Variants in FSD2 observed in about 807,000 individuals in gnomAD.
The protein encoded by FSD2 is fibronectin type III and SPRY domain containing 2.
FSD2 carries 71 observed loss-of-function variants against 80.4 expected under a neutral mutation model. That is an observed-to-expected ratio of 0.88 (90% CI 0.73 to 1.08). The LOEUF (loss-of-function observed/expected upper bound fraction) is 1.08. FSD2 is among the 50% of genes least tolerant of loss of function. The pLI is 0.00. For missense variants in FSD2, 923 were observed against 913.8 expected, an observed-to-expected ratio of 1.01 and a Z score of -0.13; for synonymous variants, 361 against 329.5, an observed-to-expected ratio of 1.10 and a Z score of -1.03.
chr15:82,780,337 CT>C (rs774635552), intron 4 of FSD2, 70 bp from the exon 5 acceptor site: 88,278 of 834,174 alleles, frequency 0.11, 28 homozygotes, highest in South Asian at 0.12. Context: ...TTCTTTCTTT[CT>C]TTTTTTTTTT....
At position 82,772,248 on chromosome 15, in the gene FSD2, AAG is replaced by A. The variant is rs1567304744; in HGVS notation, c.1112-22_1112-21del. 1.3e-6 allele frequency: 2 copies of A among 1,594,356 alleles called. No homozygotes were observed. Among genetic ancestry groups the A allele is most frequent in the Admixed American group, 3.5e-5 (2 of 56,478 alleles). The stretch of plus-strand genomic sequence containing the variant: ...AAGGAGCTAGGAAAAGAAAAGAAAA[AAG>A]AAGAGGAACCTCTAATAGAGGTGTG... On this transcript the variant is annotated intron_variant, in intron 6 of 12. Coordinates refer to ENST00000334574, the MANE Select transcript of FSD2 (RefSeq NM_001007122.4).
intron 1 of FSD2, among the ~76,000 whole-genome samples, chr15:82,803,176 G>A (rs2050453430): frequency 6.6e-6 from 1 of 152,102 alleles, no homozygotes; most frequent in South Asian, 2.1e-4. Flanking sequence ...CACAGAGTCT[G>A]TGCCAAAATC....
intron 4 of FSD2, among the ~76,000 whole-genome samples, chr15:82,782,317 G>A (rs563813734): frequency 6.7e-6 from 1 of 148,394 alleles, no homozygotes; most frequent in Non-Finnish European, 1.5e-5. Context: ...GGAGAATGGC[G>A]TGAACCCAGG....
rs201148705 is a variant in FSD2, at chr15:82,762,244, G to A, written c.1855C>T (p.Arg619Ter). ...TCCACCTCCCAGTAATGGTGCCCTCGGACTGGAATTAGATTTCCCATGACA... is the reference window on the plus strand; with the variant it reads ...TCCACCTCCCAGTAATGGTGCCCTCAGACTGGAATTAGATTTCCCATGACA... The part of the protein sequence containing the change: ...VAVMGNLIPV[R>*]GHHYWEVEVD... The change falls in exon 12 of 13, where the codon CGA (arginine) becomes TGA (stop). Residue 619 changes from arginine to a stop codon, truncating the protein, a stop_gained. Coordinates refer to ENST00000334574, the MANE Select transcript of FSD2 (RefSeq NM_001007122.4). LOFTEE classifies it high-confidence loss of function. 381 of 1,613,846 alleles carry A rather than the reference G, an allele frequency of 2.4e-4. 1 individual carries two copies. The highest frequency in any genetic ancestry group is 2.5e-4 in the Non-Finnish European group (291 of 1,179,846).
intron 7 of FSD2, among the ~76,000 whole-genome samples, chr15:82,770,765 C>T (rs2049548671): frequency 6.6e-6 from 1 of 152,120 alleles, no homozygotes; most frequent in African/African-American, 2.4e-5. Context: ...GCAGCAAAAA[C>T]TAACACAACT....
rs1443504105 is a variant in FSD2 at position 82,786,950 on chromosome 15, C to T, written c.441G>A (p.Arg147=). 1.2e-6 allele frequency: 2 copies of T among 1,614,032 alleles called. No homozygotes were observed. Among genetic ancestry groups the T allele is most frequent in the Non-Finnish European group, 1.7e-6 (2 of 1,179,892 alleles). ...GGCCGTGTGTGTACCTATAGGCTTC[C>T]CGCAAGTCCTGGCACTGGCCTGCTG... ...WGSAGQCQDL[R]EAYRYTHGRA... is the part of the protein sequence containing the mutation. The change falls in exon 2 of 13, where the codon CGG becomes CGA. Residue 147 remains arginine (R), a synonymous_variant. Coordinates refer to ENST00000334574, the MANE Select transcript of FSD2 (RefSeq NM_001007122.4).
intron 6 of FSD2, among the ~76,000 whole-genome samples, chr15:82,774,631 A>G (rs1368343121): frequency 6.6e-6 from 1 of 152,206 alleles, no homozygotes; most frequent in Non-Finnish European, 1.5e-5. Context: ...ACCCAGGAGG[A>G]ACCTCAGAGA....
chr15:82,763,621 C>T (rs1315682660), intron 11 of FSD2, among the ~76,000 whole-genome samples: 2 of 152,078 alleles, frequency 1.3e-5, no homozygotes, highest in African/African-American at 4.8e-5. Context: ...TCCCCTGGCT[C>T]CTCTCACCCA....
At chr15:82,793,312 G>T (rs193278404) in intron 1 of FSD2, among the ~76,000 whole-genome samples, 84 of 151,812 alleles carry the variant, frequency 5.5e-4, no homozygotes, top group Non-Finnish European at 1.0e-3. Context: ...TGTTGGCCAG[G>T]CTGGTTTTTT....
intron 1 of FSD2, among the ~76,000 whole-genome samples, chr15:82,794,150 G>C (rs1173487276): frequency 6.6e-6 from 1 of 151,794 alleles, no homozygotes; most frequent in Non-Finnish European, 1.5e-5. Flanking sequence ...CACTGCTTTT[G>C]CTGTACCCTA....
At position 82,778,948 on chromosome 15, in the gene FSD2, A is replaced by G. The variant is rs182383115; in HGVS notation, c.990-61T>C. The G allele has an allele frequency of 8.9e-6, 14 of 1,578,188 alleles. No individual in the cohort carries two copies. In the East Asian group the frequency reaches 3.1e-4, roughly 35 times the overall value. ...GGGGCATTCTCCTTAGGGTATATAT[A>G]TAGTGCTGAGTCACTGTCATAAATG... On this transcript the variant is annotated intron_variant, in intron 5 of 12. Coordinates refer to ENST00000334574, the MANE Select transcript of FSD2 (RefSeq NM_001007122.4).
chr15:82,777,045 C>A (rs1202214777), intron 6 of FSD2, among the ~76,000 whole-genome samples: 1 of 152,158 alleles, frequency 6.6e-6, no homozygotes, highest in Non-Finnish European at 1.5e-5. Context: ...TGATCCCTAT[C>A]TTACACCAGA....
At chr15:82,790,508 A>G (rs1266258998) in intron 1 of FSD2, among the ~76,000 whole-genome samples, 1 of 151,910 alleles carries the variant, frequency 6.6e-6, no homozygotes, top group South Asian at 2.1e-4. Context: ...GTTGGACTCC[A>G]AAGTCCATGC....
intron 7 of FSD2, among the ~76,000 whole-genome samples, chr15:82,770,310 A>G (rs1431208715): frequency 1.3e-5 from 2 of 152,222 alleles, no homozygotes; most frequent in Admixed American, 6.5e-5. Flanking sequence ...AAATGAGGCC[A>G]TCCTAGACCA....
In FSD2 at chr15:82,756,679, T is replaced by C. The variant is rs1308806642; in HGVS notation, c.*2669A>G. ...CTGTATTACTAAACCCATGTTAGTTTACGCCAAGATTCTGTGGTGGTTTTA... is the reference window on the plus strand; with the variant it reads ...CTGTATTACTAAACCCATGTTAGTTCACGCCAAGATTCTGTGGTGGTTTTA... On this transcript the variant is annotated 3_prime_UTR_variant, in exon 13 of 13. Transcript: ENST00000334574. 6.6e-6 allele frequency: 1 copy of C among 152,244 alleles called. No individual in the cohort carries two copies. The highest frequency in any genetic ancestry group is 2.4e-5 in the African/African-American group (1 of 41,458). 9.4% of individuals were successfully genotyped at this position (152,244 alleles called of 1,614,324 possible).
chr15:82,792,620 G>A (rs2050177089), intron 1 of FSD2, among the ~76,000 whole-genome samples: 1 of 152,094 alleles, frequency 6.6e-6, no homozygotes, highest in South Asian at 2.1e-4. Flanking sequence ...TTTTAATTTT[G>A]CTGAAGTCTA....
intron 1 of FSD2, among the ~76,000 whole-genome samples, chr15:82,792,645 T>G (rs540539275): frequency 2.0e-4 from 30 of 152,342 alleles, no homozygotes; most frequent in Non-Finnish European, 2.9e-4. Context: ...ATCTATTTTT[T>G]TTGTTGTTGT....
intron 1 of FSD2, among the ~76,000 whole-genome samples, chr15:82,802,330 T>C (rs951429642): frequency 9.9e-5 from 15 of 152,148 alleles, no homozygotes; most frequent in African/African-American, 3.6e-4. Flanking sequence ...CATGTTTCCC[T>C]CCGATGGTTC....
chr15:82,777,512 A>G (rs1323058840), intron 6 of FSD2, among the ~76,000 whole-genome samples: 2 of 152,094 alleles, frequency 1.3e-5, no homozygotes, highest in African/African-American at 2.4e-5. Context: ...CAAAACCACA[A>G]TGAGATATCA....
Sources: allele counts gnomAD v4.1 joint callset (sites outside exome capture counted in the v4.1 genomes callset), GRCh38; gene constraint gnomAD v4.1.1; transcripts MANE v1.5; gene names NCBI Gene and HGNC (gene_info 2026-07-23, HGNC 2026-07-21).